Variants in MYH16 observed in about 807,000 individuals in gnomAD.
MYH16 encodes myosin heavy chain 16.
intron 20 of MYH16, among the ~76,000 whole-genome samples, chr7:99,274,251 G>A (rs570609403): frequency 6.6e-6 from 1 of 152,352 alleles, no homozygotes; most frequent in East Asian, 1.9e-4. Context: ...ACCAGCCATG[G>A]CACTGCACAT....
At chr7:99,268,293 A>C (rs1366939922) in intron 18 of MYH16, among the ~76,000 whole-genome samples, 1 of 152,122 alleles carries the variant, frequency 6.6e-6, no homozygotes, top group African/African-American at 2.4e-5. Context: ...GAATCTTAGA[A>C]ACCAACGGGC....
chr7:99,294,066 T>C (rs1284401809), exon 33 of MYH16: 5 of 455,840 alleles, frequency 1.1e-5, no homozygotes, highest in African/African-American at 4.0e-5. Context: ...CAGCTGAAAC[T>C]GCCCAGGCCC....
At chr7:99,288,751 A>G (rs1584354228) in intron 29 of MYH16, among the ~76,000 whole-genome samples, 1 of 152,288 alleles carries the variant, frequency 6.6e-6, no homozygotes, top group East Asian at 1.9e-4. Flanking sequence ...CATCTGTAAC[A>G]TGAAGATGAT....
At chr7:99,271,089 C>T (rs560498573) in exon 19 of MYH16, 84 of 152,758 alleles carry the variant, frequency 5.5e-4, no homozygotes, top group Non-Finnish European at 2.5e-4. Flanking sequence ...GATGCTGGAA[C>T]GAAGGTAGCA....
rs544151630 is a variant in MYH16 at position 99,262,928 on chromosome 7, G to A, written n.1756-406G>A. ...ACGTAGCTCGGGATTCTACAGCCAC[G>A]GTCAGTCACAGACAGCAAACCACTG... On this transcript the variant is annotated intron_variant and non_coding_transcript_variant, in intron 13 of 41. Transcript: ENST00000439784. Among the ~76,000 whole-genome samples, 47 of 152,302 alleles carry A rather than the reference G, an allele frequency of 3.1e-4. No individual in the cohort carries two copies. The East Asian group carries it at 8.3e-3, about 27-fold the overall frequency.
intron 1 of MYH16, among the ~76,000 whole-genome samples, chr7:99,241,071 T>C (rs1791661885): frequency 6.6e-6 from 1 of 152,084 alleles, no homozygotes; most frequent in African/African-American, 2.4e-5. Context: ...TGCATCTAAG[T>C]TTGGATCCAC....
intron 20 of MYH16, among the ~76,000 whole-genome samples, chr7:99,276,781 G>C (rs1361836108): frequency 6.6e-6 from 1 of 152,200 alleles, no homozygotes; most frequent in Non-Finnish European, 1.5e-5. Context: ...AGGAGTGAGA[G>C]AGAGAGAGGG....
chr7:99,298,021 T>G, intron 36 of MYH16, 26 bp downstream of exon 17: 1 of 456,566 alleles, frequency 2.2e-6, no homozygotes, highest in Non-Finnish European at 4.4e-6. Flanking sequence ...GATGGGAGGC[T>G]GACTCTTGGG....
At chr7:99,256,006 G>A (rs1236215563) in intron 9 of MYH16, among the ~76,000 whole-genome samples, 1 of 151,952 alleles carries the variant, frequency 6.6e-6, no homozygotes, top group African/African-American at 2.4e-5. Context: ...ACACTCTCTG[G>A]CTCCTCTTAT....
chr7:99,254,768 G>A (rs114550885), intron 8 of MYH16, among the ~76,000 whole-genome samples: 2,108 of 152,298 alleles, frequency 0.014, 52 homozygotes, highest in African/African-American at 0.049. Context: ...CCACCCACAG[G>A]TGGGCTTTAT....
intron 34 of MYH16, among the ~76,000 whole-genome samples, chr7:99,297,348 G>A (rs1430661031): frequency 1.3e-5 from 2 of 152,104 alleles, no homozygotes; most frequent in Non-Finnish European, 2.9e-5. Flanking sequence ...CAGGAGAATC[G>A]CTTGAACCTG....
At chr7:99,273,316 C>T (rs1792070057) in intron 19 of MYH16, 26 bp from the exon 2 acceptor site, 1 of 456,556 alleles carries the variant, frequency 2.2e-6, no homozygotes, top group Admixed American at 2.3e-5. Flanking sequence ...CATTGTAACC[C>T]ACTCAACCCT....
intron 20 of MYH16, among the ~76,000 whole-genome samples, chr7:99,276,431 GCTTTA>G (rs1247899906): frequency 6.6e-6 from 1 of 152,246 alleles, no homozygotes; most frequent in Non-Finnish European, 1.5e-5. Context: ...TCTGCTAGGT[GCTTTA>G]GGAACCCCAA....
At chr7:99,300,186 C>T (rs1295374688) in intron 37 of MYH16, among the ~76,000 whole-genome samples, 1 of 152,028 alleles carries the variant, frequency 6.6e-6, no homozygotes, top group Non-Finnish European at 1.5e-5. Context: ...TCTCCAATGC[C>T]TGACCTCAGG....
At chr7:99,304,210 G>T (rs978320481) in intron 39 of MYH16, among the ~76,000 whole-genome samples, 11 of 152,200 alleles carry the variant, frequency 7.2e-5, no homozygotes, top group African/African-American at 2.7e-4. Flanking sequence ...ACTGAGAGGG[G>T]ATAAGCAACA....
At chr7:99,246,562 C>A (rs1222048845) in intron 2 of MYH16, among the ~76,000 whole-genome samples, 1 of 152,042 alleles carries the variant, frequency 6.6e-6, no homozygotes, top group African/African-American at 2.4e-5. Context: ...ATTAGCCGGG[C>A]GTGGTGGCGT....
At chr7:99,262,671 TC>T (rs1430273624) in intron 13 of MYH16, among the ~76,000 whole-genome samples, 2 of 152,166 alleles carry the variant, frequency 1.3e-5, no homozygotes, top group African/African-American at 4.8e-5. Context: ...CCTGAAAGAC[TC>T]CTTCCTCCTT....
intron 32 of MYH16, 111 bp downstream of exon 13, chr7:99,292,619 C>G: frequency 2.6e-6 from 1 of 390,348 alleles, no homozygotes; most frequent in Non-Finnish European, 5.2e-6. Context: ...AGGAAAAGGA[C>G]GTTCACAGGC....
intron 19 of MYH16, among the ~76,000 whole-genome samples, chr7:99,271,378 G>A (rs1037278613): frequency 4.6e-5 from 7 of 152,264 alleles, no homozygotes; most frequent in African/African-American, 1.7e-4. Flanking sequence ...GCGTGGTGGT[G>A]GGCACCTATA....
Sources: allele counts gnomAD v4.1 joint callset (sites outside exome capture counted in the v4.1 genomes callset), GRCh38; gene constraint gnomAD v4.1.1; transcripts MANE v1.5; gene names NCBI Gene and HGNC (gene_info 2026-07-23, HGNC 2026-07-21).